Variants in PPM1L observed in about 807,000 individuals in gnomAD.
PPM1L encodes the protein protein phosphatase, Mg2+/Mn2+ dependent 1L, also known as protein phosphatase 1L.
A neutral mutation model predicts 31.4 loss-of-function variants in PPM1L; 13 were observed. The ratio of observed to expected loss-of-function variants is 0.41; its 90% CI spans 0.27 to 0.66. The LOEUF (loss-of-function observed/expected upper bound fraction) is 0.66. Among genes scored for constraint, PPM1L ranks in the 30% least tolerant of loss-of-function variants. The probability of loss-of-function intolerance (pLI) is 0.29; values close to 1 mark genes in which losing one functional copy is unlikely to be tolerated. For missense variants in PPM1L, 326 were observed against 453.7 expected (o/e 0.72, Z 2.56); for synonymous variants, 184 against 175.4 (o/e 1.05, Z -0.39).
At chr3:161,060,211 GAGCTACAACATC>G (rs1225859106) in intron 2 of PPM1L, among the ~76,000 whole-genome samples, 1 of 151,970 alleles carries the variant, frequency 6.6e-6, no homozygotes, top group Non-Finnish European at 1.5e-5. Flanking sequence ...TGTCACATTT[GAGCTACAACATC>G]TTCATATGGG....
At chr3:160,850,996 G>A (rs900942767) in intron 1 of PPM1L, among the ~76,000 whole-genome samples, 1 of 151,234 alleles carries the variant, frequency 6.6e-6, no homozygotes, top group African/African-American at 2.4e-5. Context: ...TCTCTCTCCT[G>A]TCAGTCCCAG....
chr3:161,048,497 A>T (rs1392585939), intron 2 of PPM1L, among the ~76,000 whole-genome samples: 2 of 152,168 alleles, frequency 1.3e-5, no homozygotes, highest in African/African-American at 2.4e-5. Flanking sequence ...GTAAACTAGT[A>T]CAACCATTGT....
rs932995647 is a variant in PPM1L at position 161,074,934 on chromosome 3, T to G, written c.*5777T>G. 1 of 152,170 alleles carries G rather than the reference T, an allele frequency of 6.6e-6. No individual in the cohort carries two copies. Among genetic ancestry groups the G allele is most frequent in the Non-Finnish European group, 1.5e-5 (1 of 68,044 alleles). 9.4% of individuals were successfully genotyped at this position (152,170 alleles called of 1,614,324 possible). A position where few individuals can be genotyped will look rare whatever the true frequency, so the allele number is the denominator to read the frequency against. ...ATTTATTCTTGAAGTCCTATAACCT[T>G]GCATTATTTAAACACAAAATCCCAC... is the stretch of plus-strand genomic sequence containing the variant. On this transcript the variant is annotated 3_prime_UTR_variant, in exon 4 of 4. Coordinates refer to ENST00000498165, the MANE Select transcript of PPM1L (RefSeq NM_139245.4).
intron 1 of PPM1L, among the ~76,000 whole-genome samples, chr3:160,953,447 T>A (rs1248488353): frequency 6.6e-6 from 1 of 152,198 alleles, no homozygotes; most frequent in Non-Finnish European, 1.5e-5. Context: ...GTTAAGGACA[T>A]CAGAAGCCTG....
intron 2 of PPM1L, among the ~76,000 whole-genome samples, chr3:161,035,171 A>T (rs1718709214): frequency 6.6e-6 from 1 of 151,462 alleles, no homozygotes; most frequent in Non-Finnish European, 1.5e-5. Flanking sequence ...TAACAAACCT[A>T]CACATTCTCC....
chr3:160,958,104 G>A (rs1268164680), intron 1 of PPM1L, among the ~76,000 whole-genome samples: 1 of 152,098 alleles, frequency 6.6e-6, no homozygotes, highest in African/African-American at 2.4e-5. Context: ...CAGTTCTGTA[G>A]GTTGTCTGTT....
intron 1 of PPM1L, among the ~76,000 whole-genome samples, chr3:160,897,991 A>G (rs1713406339): frequency 2.0e-5 from 3 of 152,166 alleles, no homozygotes; most frequent in African/African-American, 7.2e-5. Flanking sequence ...TATGGCATGT[A>G]CCCTTAATAT....
At chr3:161,035,299 AGTG>A (rs1372467836) in intron 2 of PPM1L, among the ~76,000 whole-genome samples, 1 of 152,140 alleles carries the variant, frequency 6.6e-6, no homozygotes, top group African/African-American at 2.4e-5. Context: ...AACGGAAAGA[AGTG>A]GTGAGCAATG....
intron 2 of PPM1L, among the ~76,000 whole-genome samples, chr3:161,054,331 T>TTCA (rs1279901993): frequency 6.6e-6 from 1 of 152,106 alleles, no homozygotes; most frequent in Non-Finnish European, 1.5e-5. Context: ...CCCCCTAATG[T>TTCA]GCTGTTCTGC....
intron 1 of PPM1L, among the ~76,000 whole-genome samples, chr3:160,783,082 A>C (rs1047866129): frequency 6.6e-6 from 1 of 152,118 alleles, no homozygotes; most frequent in African/African-American, 2.4e-5. Flanking sequence ...AAGACCTGGA[A>C]CTGTTTATCA....
chr3:160,849,094 G>T (rs1441616872), intron 1 of PPM1L, among the ~76,000 whole-genome samples: 1 of 152,180 alleles, frequency 6.6e-6, no homozygotes. Context: ...TCCAGGACTT[G>T]TCAGTTATAT....
At chr3:160,954,956 C>CTTTCCTTTCCTTTCCT (rs58687052) in intron 1 of PPM1L, among the ~76,000 whole-genome samples, 1 of 77,460 alleles carries the variant, frequency 1.3e-5, no homozygotes, top group African/African-American at 6.3e-5. Context: ...TCCTTCCTTC[C>CTTTCCTTTCCTTTCCT]TTCCTTTCCT....
intron 2 of PPM1L, among the ~76,000 whole-genome samples, chr3:160,986,057 AAAAACTAGTC>A (rs1332565954): frequency 2.0e-5 from 3 of 152,202 alleles, no homozygotes; most frequent in Non-Finnish European, 4.4e-5. Context: ...ATTATATAGT[AAAAACTAGTC>A]CATTTATAAA....
intron 2 of PPM1L, among the ~76,000 whole-genome samples, chr3:161,033,521 C>T (rs1365360688): frequency 6.6e-6 from 1 of 152,034 alleles, no homozygotes; most frequent in Non-Finnish European, 1.5e-5. Flanking sequence ...GAACAGAGGC[C>T]TCAGAAAAAA....
chr3:160,835,795 G>C (rs1258420178), intron 1 of PPM1L, among the ~76,000 whole-genome samples: 1 of 152,122 alleles, frequency 6.6e-6, no homozygotes, highest in Admixed American at 6.5e-5. Flanking sequence ...TTTGAGTAGG[G>C]AATATGATCA....
chr3:160,835,086 T>TTCTTTC (rs11474788), intron 1 of PPM1L, among the ~76,000 whole-genome samples: 3,446 of 106,246 alleles, frequency 0.032, 148 homozygotes, highest in African/African-American at 0.12. Context: ...CTTCTTCTTC[T>TTCTTTC]TTCTTTTTTC....
chr3:161,018,131 G>T (rs915338535), intron 2 of PPM1L, among the ~76,000 whole-genome samples: 16 of 152,158 alleles, frequency 1.1e-4, no homozygotes, highest in African/African-American at 3.9e-4. Flanking sequence ...GACTGTGTAT[G>T]CATGTGTTAG....
intron 1 of PPM1L, among the ~76,000 whole-genome samples, chr3:160,771,543 C>CT (rs745978148): frequency 0.11 from 8,248 of 77,386 alleles, 969 homozygotes; most frequent in Non-Finnish European, 0.14. Context: ...AAGGCTGGCT[C>CT]TTTTTTTTTT....
chr3:160,994,652 A>C (rs770888145), intron 2 of PPM1L, among the ~76,000 whole-genome samples: 1 of 152,322 alleles, frequency 6.6e-6, no homozygotes, highest in East Asian at 1.9e-4. Context: ...ACACACTACT[A>C]TGTGCAGGCA....
Sources: allele counts gnomAD v4.1 joint callset (sites outside exome capture counted in the v4.1 genomes callset), GRCh38; gene constraint gnomAD v4.1.1; transcripts MANE v1.5; gene names NCBI Gene and HGNC (gene_info 2026-07-23, HGNC 2026-07-21).